The following WDCP variants were observed in gnomAD, a reference collection of about 807,000 sequenced individuals.
The protein encoded by WDCP is WD repeat and coiled coil containing, also known as WD repeat and coiled-coil-containing protein.
Under a neutral mutation model 41.6 loss-of-function variants are expected in WDCP, and 19 were observed. The observed-to-expected ratio is 0.46, with a 90% CI of 0.32 to 0.67. The LOEUF (loss-of-function observed/expected upper bound fraction) is 0.67. Ranked by LOEUF, WDCP falls within the 30% of genes least tolerant of loss-of-function variation. The pLI is 0.04. For synonymous variants in WDCP, 302 were observed against 320.8 expected (o/e 0.94, Z 0.63); for missense variants, 802 against 850.7 (o/e 0.94, Z 0.71).
At chr2:24,034,167 T>C (rs550748661) in intron 2 of WDCP, among the ~76,000 whole-genome samples, 1 of 152,252 alleles carries the variant, frequency 6.6e-6, no homozygotes, top group Admixed American at 6.5e-5. Context: ...ACGCCTGTAA[T>C]CCCAGAACTT....
intron 2 of WDCP, among the ~76,000 whole-genome samples, chr2:24,037,133 T>TA (rs1469672926): frequency 6.6e-6 from 1 of 152,222 alleles, no homozygotes; most frequent in East Asian, 1.9e-4. Context: ...GCTCAAGTGA[T>TA]ACTCCTGCTT....
chr2:24,035,442 AGG>A lies in WDCP; in HGVS notation c.1818+2233_1818+2234del, dbSNP rs1663214952. On this transcript the variant is annotated intron_variant, in intron 2 of 3. Transcript: ENST00000295148. ...AGAACAGGCTGAAGAAACATAGGGTAGGAATAAGAGTTCTTGGTATACAGTTT... is the reference window on the plus strand; with the variant it reads ...AGAACAGGCTGAAGAAACATAGGGTAAATAAGAGTTCTTGGTATACAGTTT... Among the ~76,000 whole-genome samples, 11 of 152,296 alleles carry A rather than the reference AGG, an allele frequency of 7.2e-5. 1 individual carries two copies. Among genetic ancestry groups the A allele is most frequent in the African/African-American group, 2.6e-4 (11 of 41,580 alleles).
rs756505950 is a variant in WDCP, at chr2:24,038,097, A to C, written c.1398T>G (p.Ser466Arg). ...NKANRKKLIE[S>R]LSPDFCHQNK... Reference sequence around the variant, plus strand: ...TTTGGTGACAAAAATCTGGGGAAAGACTTTCAATTAACTTTTTTCTATTTG... The same window carrying C: ...TTTGGTGACAAAAATCTGGGGAAAGCCTTTCAATTAACTTTTTTCTATTTG... The change falls in exon 2 of 4, where the codon AGT (serine) becomes AGG (arginine). Residue 466 changes from serine (S) to arginine (R), a missense_variant. Physicochemically the swap from Ser to Arg is moderately radical, Grantham distance 110. Around this residue, in one of 5 missense-constraint regions of WDCP, gnomAD observed 321 missense variants for 305.1 expected, o/e 1.05. Coordinates refer to ENST00000295148, the MANE Select transcript of WDCP (RefSeq NM_025203.3). 1.2e-6 allele frequency: 2 copies of C among 1,614,218 alleles called. No homozygotes were observed. Among genetic ancestry groups the C allele is most frequent in the South Asian group, 2.2e-5 (2 of 91,078 alleles).
chr2:24,032,843 A>G lies in WDCP; in HGVS notation c.1922T>C (p.Ile641Thr). 1.2e-6 allele frequency: 2 copies of G among 1,605,152 alleles called. No individual in the cohort carries two copies. Among genetic ancestry groups the G allele is most frequent in the Non-Finnish European group, 1.7e-6 (2 of 1,171,934 alleles). The stretch of plus-strand genomic sequence containing the variant: ...GCACGACCTACCATGTAGCATTTCA[A>G]TGAGAGAAAGGCCAAAAGTCTGCTG... ...TVQQTFGLSL[I>T]EMLHDSHWIL... The change falls in exon 3 of 4, where the codon ATT (isoleucine) becomes ACT (threonine). Residue 641 changes from isoleucine to threonine, a missense_variant. By Grantham distance (89) the Ile-to-Thr change is moderately conservative. Transcript: ENST00000295148.
intron 2 of WDCP, among the ~76,000 whole-genome samples, chr2:24,034,410 G>A (rs960667584): frequency 1.3e-5 from 2 of 151,978 alleles, no homozygotes; most frequent in Non-Finnish European, 2.9e-5. Flanking sequence ...ACAAAGCAAA[G>A]CTCTATCTAA....
chr2:24,034,573 A>ACT (rs1166662427), intron 2 of WDCP, among the ~76,000 whole-genome samples: 1 of 105,004 alleles, frequency 9.5e-6, no homozygotes, highest in African/African-American at 3.1e-5. Context: ...GGGCAACAAA[A>ACT]CTTTTTTTTT....
In WDCP at chr2:24,032,819, C is replaced by G. The variant is rs768919623; in HGVS notation, c.1936+10G>C. On this transcript the variant is annotated intron_variant, in intron 3 of 3. Transcript: ENST00000295148. ...ATGTTAGCTAGGGTCAATTTCTGAG[C>G]ACGACCTACCATGTAGCATTTCAAT... 6.6e-7 allele frequency: 1 copy of G among 1,525,256 alleles called. No homozygotes were observed. The allele number at this position is 1,525,256 out of a possible 1,614,324, so 94.5% of individuals were successfully genotyped here. A position where few individuals can be genotyped will look rare whatever the true frequency, so the allele number is the denominator to read the frequency against.
At chr2:24,034,746 G>T (rs1022454398) in intron 2 of WDCP, among the ~76,000 whole-genome samples, 1 of 151,764 alleles carries the variant, frequency 6.6e-6, no homozygotes, top group Admixed American at 6.6e-5. Context: ...GCTAATTTTT[G>T]TATTTTTCGG....
intron 2 of WDCP, among the ~76,000 whole-genome samples, chr2:24,034,067 T>C (rs1663170841): frequency 6.6e-6 from 1 of 152,234 alleles, no homozygotes; most frequent in Admixed American, 6.5e-5. Context: ...TTTCTTGCTT[T>C]TGATTATTGT....
intron 1 of WDCP, among the ~76,000 whole-genome samples, chr2:24,044,600 T>C (rs950073280): frequency 6.6e-6 from 1 of 152,154 alleles, no homozygotes; most frequent in African/African-American, 2.4e-5. Flanking sequence ...TGAATTTTAA[T>C]ATTGTCATCT....
chr2:24,034,020 T>G (rs1258552087), intron 2 of WDCP, among the ~76,000 whole-genome samples: 1 of 152,266 alleles, frequency 6.6e-6, no homozygotes, highest in Admixed American at 6.5e-5. Context: ...ATTTCACGTC[T>G]TATGAAATGT....
chr2:24,037,830 A>G lies in WDCP; in HGVS notation c.1665T>C (p.Tyr555=), dbSNP rs1276353681. Residue 555 remains tyrosine, a synonymous_variant, in exon 2 of 4, where the codon TAT becomes TAC. Coordinates refer to ENST00000295148, the MANE Select transcript of WDCP (RefSeq NM_025203.3). The part of the protein sequence containing the change: ...RKNLQSEKET[Y]QLSKEVEILS... ...AAATTTCCACTTCCTTAGACAGCTG[A>G]TAAGTTTCCTTTTCACTTTGTAAGT... 10 of 1,614,202 alleles carry G rather than the reference A, an allele frequency of 6.2e-6. No individual in the cohort carries two copies. Among genetic ancestry groups the G allele is most frequent in the Middle Eastern group, 1.6e-4 (1 of 6,062 alleles).
rs773834149 is a variant in WDCP at position 24,037,886 on chromosome 2, G to T, written c.1609C>A (p.Leu537Met). The change falls in exon 2 of 4, where the codon CTG becomes ATG. Residue 537 changes from leucine (L) to methionine (M), a missense_variant. Around this residue, in one of 5 missense-constraint regions of WDCP, gnomAD observed 321 missense variants for 305.1 expected, o/e 1.05. Transcript: ENST00000295148. Reference sequence around the variant, plus strand: ...CTTTGAGGCAAACGAGGAGGCTCCAGTGTGCTGGTGTGGTCTGGTGTGCTG... The same window carrying T: ...CTTTGAGGCAAACGAGGAGGCTCCATTGTGCTGGTGTGGTCTGGTGTGCTG... Reference protein sequence around the residue: ...HSSTPDHTSTLEPPRLPQRKN... With the variant: ...HSSTPDHTSTMEPPRLPQRKN... 2 of 1,613,960 alleles carry T rather than the reference G, an allele frequency of 1.2e-6. No individual in the cohort carries two copies. The highest frequency in any genetic ancestry group is 1.1e-5 in the South Asian group (1 of 91,088).
chr2:24,044,271 T>A (rs1330540041), intron 1 of WDCP, among the ~76,000 whole-genome samples: 2 of 151,972 alleles, frequency 1.3e-5, no homozygotes, highest in African/African-American at 2.4e-5. Flanking sequence ...CTGAGGTTTT[T>A]TTTTGGGGGG....
chr2:24,030,692 T>C lies in WDCP; in HGVS notation c.*241A>G. On this transcript the variant is annotated 3_prime_UTR_variant, in exon 4 of 4. Coordinates refer to ENST00000295148, the MANE Select transcript of WDCP (RefSeq NM_025203.3). Reference sequence around the variant, plus strand: ...TTTGTTCTGAGAATTCTGCCCTTAGTCAAAACCACACAGTCATGAATACAT... The same window carrying C: ...TTTGTTCTGAGAATTCTGCCCTTAGCCAAAACCACACAGTCATGAATACAT... 1.1e-5 allele frequency: 5 copies of C among 450,668 alleles called. No homozygotes were observed. Among genetic ancestry groups the C allele is most frequent in the Admixed American group, 3.8e-5 (1 of 26,012 alleles). The allele number at this position is 450,668 out of a possible 1,614,324, so 27.9% of individuals were successfully genotyped here.
At position 24,038,903 on chromosome 2, in the gene WDCP, G is replaced by A; in HGVS notation, c.592C>T (p.Leu198=). 6.2e-7 allele frequency: 1 copy of A among 1,614,202 alleles called. No homozygotes were observed. Among genetic ancestry groups the A allele is most frequent in the Non-Finnish European group, 8.5e-7 (1 of 1,180,008 alleles). Residue 198 remains leucine, a synonymous_variant, in exon 2 of 4, where the codon CTG becomes TTG. Coordinates refer to ENST00000295148, the MANE Select transcript of WDCP (RefSeq NM_025203.3). ...ACGTGGCTGTCCACATCAAACACCAGGCAGGAGGAGCACCTGTGAAGAGTC... is the reference window on the plus strand; with the variant it reads ...ACGTGGCTGTCCACATCAAACACCAAGCAGGAGGAGCACCTGTGAAGAGTC... ...QKTLHRCSSC[L]VFDVDSHVCS... is the part of the protein sequence containing the mutation.
chr2:24,039,344 A>G lies in WDCP; in HGVS notation c.151T>C (p.Ser51Pro), dbSNP rs908110416. Reference sequence around the variant, plus strand: ...CATTCAAACTGTCCAATGACTTTGGAGTCCCCAAACTTGACCTCTCCACTG... The same window carrying G: ...CATTCAAACTGTCCAATGACTTTGGGGTCCCCAAACTTGACCTCTCCACTG... Reference protein sequence around the residue: ...LHSGEVKFGDSKVIGQFECVC... With the variant: ...LHSGEVKFGDPKVIGQFECVC... The change falls in exon 2 of 4, where the codon TCC becomes CCC. Residue 51 changes from serine to proline, a missense_variant. Ser to Pro is a moderately conservative substitution (Grantham distance 74). This residue lies in a region of WDCP where 214 missense variants were observed against 252.9 expected (regional missense o/e 0.85). Coordinates refer to ENST00000295148, the MANE Select transcript of WDCP (RefSeq NM_025203.3). 1 of 1,614,232 alleles carries G rather than the reference A, an allele frequency of 6.2e-7. No homozygotes were observed. Among genetic ancestry groups the G allele is most frequent in the African/African-American group, 1.3e-5 (1 of 75,056 alleles).
intron 2 of WDCP, among the ~76,000 whole-genome samples, chr2:24,037,302 C>T (rs1409279268): frequency 6.6e-6 from 1 of 152,212 alleles, no homozygotes; most frequent in Non-Finnish European, 1.5e-5. Context: ...GGATTACAGG[C>T]GTGAGCCATG....
rs1663317314 is a variant in WDCP, at chr2:24,038,251, G to A, written c.1244C>T (p.Pro415Leu). Residue 415 changes from proline (P) to leucine (L), a missense_variant, in exon 2 of 4, where the codon CCT becomes CTT. Pro to Leu is a moderately conservative substitution (Grantham distance 98). This residue lies in a region of WDCP where 247 missense variants were observed against 240.5 expected (regional missense o/e 1.03). Coordinates refer to ENST00000295148, the MANE Select transcript of WDCP (RefSeq NM_025203.3). Reference sequence around the variant, plus strand: ...GGCATACTGATCAGACTTTGAAGAAGGAAGAAATGTTGTATCAGTGAGTTT... The same window carrying A: ...GGCATACTGATCAGACTTTGAAGAAAGAAGAAATGTTGTATCAGTGAGTTT... ...KQKLTDTTFL[P>L]SSKSDQYAIS... is the part of the protein sequence containing the mutation. 6.2e-7 allele frequency: 1 copy of A among 1,614,108 alleles called. No homozygotes were observed. The highest frequency in any genetic ancestry group is 1.1e-5 in the South Asian group (1 of 91,070).
Sources: gnomAD v4.1 joint callset for allele counts (sites outside exome capture counted in the v4.1 genomes callset) on GRCh38, gnomAD v4.1.1 for gene constraint, gnomAD v4.1.1 regional missense constraint, MANE v1.5 for transcripts, NCBI Gene and HGNC (gene_info 2026-07-23, HGNC 2026-07-21) for gene names.